ZNF782: variants seen among roughly 807,000 people sequenced by gnomAD.
The protein encoded by ZNF782 is zinc finger protein 782.
Under a neutral mutation model 13.0 loss-of-function variants are expected in ZNF782, and 12 were observed. That is an observed-to-expected ratio of 0.92 (90% confidence interval 0.59 to 1.50). The LOEUF (loss-of-function observed/expected upper bound fraction) is 1.50. ZNF782 is among the 40% of genes most tolerant of loss of function. The probability of loss-of-function intolerance (pLI) is 0.00; values close to 1 mark genes in which losing one functional copy is unlikely to be tolerated. For synonymous variants in ZNF782, 284 were observed against 283.0 expected (o/e 1.00, Z -0.04); for missense variants, 770 against 822.9 (o/e 0.94, Z 0.79).
intron 4 of ZNF782, among the ~76,000 whole-genome samples, chr9:96,831,856 A>G (rs1850813533): frequency 6.6e-6 from 1 of 152,028 alleles, no homozygotes; most frequent in South Asian, 2.1e-4. Context: ...GTTCCATGGT[A>G]TACCTTCTTC....
At chr9:96,875,205 A>G (rs1035420272) in intron 1 of ZNF782, among the ~76,000 whole-genome samples, 1 of 152,134 alleles carries the variant, frequency 6.6e-6, no homozygotes, top group Non-Finnish European at 1.5e-5. Flanking sequence ...CTCGGTTGTT[A>G]TTTTTAATGC....
intron 5 of ZNF782, among the ~76,000 whole-genome samples, chr9:96,821,040 A>G (rs1850401004): frequency 1.3e-5 from 2 of 152,228 alleles, no homozygotes; most frequent in African/African-American, 4.8e-5. Context: ...TAGAAACTTT[A>G]CACATATCCT....
At chr9:96,838,059 A>G (rs1473598684) in intron 4 of ZNF782, among the ~76,000 whole-genome samples, 1 of 152,074 alleles carries the variant, frequency 6.6e-6, no homozygotes, top group Non-Finnish European at 1.5e-5. Context: ...ACTTAAATTA[A>G]CCTCTGATTA....
At chr9:96,855,796 G>GGTA (rs1488794716), upstream of ZNF782, among the ~76,000 whole-genome samples, 3 of 152,146 alleles carry the variant, frequency 2.0e-5, no homozygotes, top group African/African-American at 7.2e-5. Flanking sequence ...TGGATCCAAT[G>GGTA]GTAGTTCTAC....
rs551470515 is a variant in ZNF782, at chr9:96,850,985, A to C, written c.15+962T>G. ...ATCTTCAGTGTTAAAGTATATTAGC[A>C]CAAGGATGGTAAAGCGGTGTGAAAA... is the stretch of plus-strand genomic sequence containing the variant. On this transcript the variant is annotated intron_variant, in intron 3 of 5. Coordinates refer to ENST00000481138, the MANE Select transcript of ZNF782 (RefSeq NM_001001662.3). The surrounding 1 kb of genome is among the most constrained non-coding windows in gnomAD (Gnocchi z 4.3). Among the ~76,000 whole-genome samples, 93 of 152,304 alleles carry C rather than the reference A, an allele frequency of 6.1e-4. No homozygotes were observed. In the South Asian group the frequency reaches 8.3e-3, roughly 14 times the overall value.
chr9:96,818,805 C>T lies in ZNF782; in HGVS notation c.1218G>A (p.Lys406=). 1 of 1,613,534 alleles carries T rather than the reference C, an allele frequency of 6.2e-7. No individual in the cohort carries two copies. Among genetic ancestry groups the T allele is most frequent in the Non-Finnish European group, 8.5e-7 (1 of 1,179,852 alleles). ...CPECGKAFSE[K]SRLRKHQRTH... is the part of the protein sequence containing the mutation. ...TTCTCTGATGTTTTCTTAGGCGTGA[C>T]TTCTCACTGAAGGCTTTCCCGCACT... The change falls in exon 6 of 6, where the codon AAG becomes AAA. Residue 406 remains lysine, a synonymous_variant. Coordinates refer to ENST00000481138, the MANE Select transcript of ZNF782 (RefSeq NM_001001662.3).
intron 1 of ZNF782, among the ~76,000 whole-genome samples, chr9:96,874,951 CT>C (rs932226713): frequency 6.6e-6 from 1 of 152,230 alleles, no homozygotes; most frequent in Non-Finnish European, 1.5e-5. Context: ...TGACCAGACA[CT>C]ACCAGAAAGC....
chr9:96,843,961 A>C (rs937653023), intron 4 of ZNF782, among the ~76,000 whole-genome samples: 3 of 152,212 alleles, frequency 2.0e-5, no homozygotes, highest in African/African-American at 7.2e-5. Flanking sequence ...AATGAGCTAA[A>C]GATTTGACTG....
At chr9:96,886,938 A>C in the ZNF782 span, among the ~76,000 whole-genome samples, 1 of 149,056 alleles carries the variant, frequency 6.7e-6, no homozygotes, top group Non-Finnish European at 1.5e-5. Context: ...AAAAAAAAAA[A>C]CTATAAATAA....
In ZNF782 at chr9:96,823,712, A is replaced by G. The variant is rs1488975915; in HGVS notation, c.244+3368T>C. ...TTCATAACCGTATTTTGAACTTCTC[A>G]AATTATTTTTAAAATATACCTCTTT... is the stretch of plus-strand genomic sequence containing the variant. On this transcript the variant is annotated intron_variant, in intron 5 of 5. Transcript: ENST00000481138. Among the ~76,000 whole-genome samples the G allele has an allele frequency of 2.0e-5, 3 of 152,228 alleles. No homozygotes were observed. The East Asian group carries it at 5.8e-4, about 29-fold the overall frequency.
At chr9:96,882,503 T>C in the ZNF782 span, among the ~76,000 whole-genome samples, 1 of 152,224 alleles carries the variant, frequency 6.6e-6, no homozygotes, top group Non-Finnish European at 1.5e-5. Context: ...CTCTTTTCCA[T>C]TGTAAATTAG....
chr9:96,878,934 T>C (rs528655085), upstream of ZNF782, among the ~76,000 whole-genome samples: 1 of 152,352 alleles, frequency 6.6e-6, no homozygotes, highest in African/African-American at 2.4e-5. Flanking sequence ...GCAAGCATTT[T>C]TGGTAACCGA....
chr9:96,859,684 C>T (rs7033029), intron 3 of ZNF782, among the ~76,000 whole-genome samples: 15 of 152,182 alleles, frequency 9.9e-5, no homozygotes, highest in Non-Finnish European at 1.6e-4. Context: ...GGTGTGACCC[C>T]GCACATTCCC....
the ZNF782 span, chr9:96,931,963 G>A: frequency 3.1e-6 from 5 of 1,611,798 alleles, no homozygotes; most frequent in Admixed American, 1.7e-5. Context: ...TCCAGATGAG[G>A]ACAGAAGTGG....
chr9:96,914,028 G>A, the ZNF782 span, among the ~76,000 whole-genome samples: 3 of 151,196 alleles, frequency 2.0e-5, 1 homozygote, highest in Non-Finnish European at 4.4e-5. Context: ...ATGGTTGAAT[G>A]TGTCCGGATG....
At chr9:96,927,888 C>A in the ZNF782 span, among the ~76,000 whole-genome samples, 1 of 149,964 alleles carries the variant, frequency 6.7e-6, no homozygotes, top group Non-Finnish European at 1.5e-5. Context: ...AAGAGAGGAA[C>A]CACATTACTG....
upstream of ZNF782, among the ~76,000 whole-genome samples, chr9:96,878,789 G>A (rs1224558218): frequency 6.6e-6 from 1 of 152,040 alleles, no homozygotes; most frequent in African/African-American, 2.4e-5. Flanking sequence ...TTATTTCTTT[G>A]CACAAGAGCC....
chr9:96,821,170 T>A (rs1465573764), intron 5 of ZNF782, among the ~76,000 whole-genome samples: 2 of 152,356 alleles, frequency 1.3e-5, no homozygotes, highest in Admixed American at 1.3e-4. Context: ...TTAAATATAC[T>A]GCCTTAGTGC....
At chr9:96,853,508 T>C (rs942340930) in intron 1 of ZNF782, among the ~76,000 whole-genome samples, 1 of 152,188 alleles carries the variant, frequency 6.6e-6, no homozygotes, top group Non-Finnish European at 1.5e-5. Flanking sequence ...ACCATGTTAG[T>C]GGCAAAAATC....
Sources: gnomAD v4.1 joint callset for allele counts (sites outside exome capture counted in the v4.1 genomes callset) on GRCh38, gnomAD v4.1.1 for gene constraint, Gnocchi (gnomAD v3.1) non-coding constraint, MANE v1.5 for transcripts, NCBI Gene and HGNC (gene_info 2026-07-23, HGNC 2026-07-21) for gene names.